Variants in PEX14 observed in about 807,000 individuals in gnomAD.
PEX14 encodes peroxisomal membrane protein PEX14.
Under a neutral mutation model 49.5 loss-of-function variants are expected in PEX14, and 15 were observed. That is an observed-to-expected ratio of 0.30 (90% CI 0.20 to 0.47). The LOEUF (loss-of-function observed/expected upper bound fraction) is 0.47. PEX14 is among the 20% of genes least tolerant of loss of function. The pLI is 1.00. For synonymous variants in PEX14, 210 were observed against 212.7 expected, an observed-to-expected ratio of 0.99 and a Z score of 0.11; for missense variants, 398 against 494.8, an observed-to-expected ratio of 0.80 and a Z score of 1.86.
intron 3 of PEX14, among the ~76,000 whole-genome samples, chr1:10,586,889 C>T (rs1456635186): frequency 6.6e-6 from 1 of 152,010 alleles, no homozygotes; most frequent in East Asian, 1.9e-4. Context: ...GATCCACCGC[C>T]TCGGCCTCCC....
intron 2 of PEX14, among the ~76,000 whole-genome samples, chr1:10,519,949 T>C (rs2124451822): frequency 6.6e-6 from 1 of 152,064 alleles, no homozygotes; most frequent in East Asian, 1.9e-4. Context: ...TCATTTGAAA[T>C]TTTTGTTGTT....
intron 3 of PEX14, among the ~76,000 whole-genome samples, chr1:10,572,464 G>A (rs114848945): frequency 0.034 from 5,253 of 152,292 alleles, 315 homozygotes; most frequent in African/African-American, 0.12. Context: ...AAAACTGAAA[G>A]AAGGCAAAGG....
chr1:10,608,740 A>AAT (rs750295712), intron 4 of PEX14, among the ~76,000 whole-genome samples: 8 of 149,782 alleles, frequency 5.3e-5, no homozygotes, highest in African/African-American at 1.7e-4. Context: ...TTAAAAAAAA[A>AAT]TAAAAAAAAA....
chr1:10,597,034 A>G lies in PEX14; in HGVS notation c.170-2204A>G, dbSNP rs1640850146. Among the ~76,000 whole-genome samples, 1 of 152,264 alleles carries G rather than the reference A, an allele frequency of 6.6e-6. No individual in the cohort carries two copies. The highest frequency in any genetic ancestry group is 1.5e-5 in the Non-Finnish European group (1 of 68,042). On this transcript the variant is annotated intron_variant, in intron 3 of 8. Coordinates refer to ENST00000356607, the MANE Select transcript of PEX14 (RefSeq NM_004565.3). This position sits in a 1 kb window ranked among gnomAD's most constrained non-coding sequence, Gnocchi z 5.7. The stretch of plus-strand genomic sequence containing the variant: ...AGGGCCAGAGGGCAGAACTGCGGGC[A>G]GGGCGTCCTGTCCCTTTAACCAGCT...
At chr1:10,485,914 C>T (rs546186976) in intron 1 of PEX14, among the ~76,000 whole-genome samples, 1 of 148,998 alleles carries the variant, frequency 6.7e-6, no homozygotes, top group South Asian at 2.1e-4. Flanking sequence ...CGCCACCACG[C>T]CTGGCTAATT....
intron 2 of PEX14, among the ~76,000 whole-genome samples, chr1:10,520,978 CTTT>C (rs34115584): frequency 7.1e-6 from 1 of 140,980 alleles, no homozygotes; most frequent in African/African-American, 2.6e-5. Context: ...TTGCCGTTGT[CTTT>C]TTTTTTTTTT....
intron 3 of PEX14, among the ~76,000 whole-genome samples, chr1:10,540,415 A>G (rs1638967908): frequency 6.6e-6 from 1 of 152,142 alleles, no homozygotes; most frequent in African/African-American, 2.4e-5. Context: ...CATTGATTTC[A>G]TAACAGTCTT....
At chr1:10,563,099 G>T (rs76223825) in intron 3 of PEX14, among the ~76,000 whole-genome samples, 1 of 123,666 alleles carries the variant, frequency 8.1e-6, no homozygotes. Context: ...TTTTTTTTTG[G>T]TAGAGGCGGG....
At position 10,514,358 on chromosome 1, in the gene PEX14, C is replaced by T. The variant is rs947267222; in HGVS notation, c.84+19037C>T. Among the ~76,000 whole-genome samples the T allele has an allele frequency of 6.6e-6, 1 of 152,188 alleles. No homozygotes were observed. The highest frequency in any genetic ancestry group is 2.4e-5 in the African/African-American group (1 of 41,432). On this transcript the variant is annotated intron_variant, in intron 2 of 8. Coordinates refer to ENST00000356607, the MANE Select transcript of PEX14 (RefSeq NM_004565.3). The surrounding 1 kb of genome is among the most constrained non-coding windows in gnomAD (Gnocchi z 4.4). ...AGCGCCTGTGTACGCACGTGGTCGT[C>T]ACCCGCCAGAAAGATGCCATAGTGA... is the stretch of plus-strand genomic sequence containing the variant.
At chr1:10,584,435 G>A (rs1344946933) in intron 3 of PEX14, among the ~76,000 whole-genome samples, 2 of 152,202 alleles carry the variant, frequency 1.3e-5, no homozygotes, top group East Asian at 3.9e-4. Context: ...ATTATTCTGT[G>A]GTTATATACA....
chr1:10,629,878 G>A lies in PEX14; in HGVS notation c.1025G>A (p.Cys342Tyr), dbSNP rs774432688. 1 of 1,612,802 alleles carries A rather than the reference G, an allele frequency of 6.2e-7. No homozygotes were observed. Among genetic ancestry groups the A allele is most frequent in the Non-Finnish European group, 8.5e-7 (1 of 1,179,338 alleles). ...GTGAGCCATGTGGACGAGGAGGACT[G>A]CCTGGGGGTGCAGAGGGAGGACCGC... Reference protein sequence around the residue: ...DDVSHVDEEDCLGVQREDRRG... With the variant: ...DDVSHVDEEDYLGVQREDRRG... Residue 342 changes from cysteine (C) to tyrosine (Y), a missense_variant, in exon 9 of 9, where the codon TGC becomes TAC. Cys to Tyr is a radical substitution (Grantham distance 194, BLOSUM62 -2). Coordinates refer to ENST00000356607, the MANE Select transcript of PEX14 (RefSeq NM_004565.3). This position sits in a 1 kb window ranked among gnomAD's most constrained non-coding sequence, Gnocchi z 8.5.
intron 4 of PEX14, among the ~76,000 whole-genome samples, chr1:10,616,660 G>T (rs1480219421): frequency 6.6e-6 from 1 of 152,208 alleles, no homozygotes; most frequent in Non-Finnish European, 1.5e-5. Flanking sequence ...CTCCAGAAAG[G>T]TGTTCGCAGT....
intron 2 of PEX14, among the ~76,000 whole-genome samples, chr1:10,500,373 CAAAAAA>C (rs750781683): frequency 4.6e-5 from 2 of 43,682 alleles, no homozygotes; most frequent in South Asian, 1.5e-3. Flanking sequence ...GATTCTGTCT[CAAAAAA>C]AAAAAAAAAA....
chr1:10,534,380 C>T (rs1204485546), intron 2 of PEX14, among the ~76,000 whole-genome samples: 1 of 151,972 alleles, frequency 6.6e-6, no homozygotes, highest in African/African-American at 2.4e-5. Context: ...CATTTCTCCT[C>T]TCTCCTTTTC....
At chr1:10,546,826 G>A (rs1326953257) in intron 3 of PEX14, among the ~76,000 whole-genome samples, 5 of 151,758 alleles carry the variant, frequency 3.3e-5, no homozygotes, top group South Asian at 4.2e-4. Context: ...CCGAGATTGC[G>A]CCACTGCACT....
intron 2 of PEX14, among the ~76,000 whole-genome samples, chr1:10,525,871 G>A (rs569643808): frequency 5.0e-4 from 76 of 151,834 alleles, no homozygotes; most frequent in Admixed American, 1.1e-3. Flanking sequence ...TGATCCGCCC[G>A]CCTTGGCCCC....
At chr1:10,518,900 G>A (rs1033006886) in intron 2 of PEX14, among the ~76,000 whole-genome samples, 6 of 152,108 alleles carry the variant, frequency 3.9e-5, no homozygotes, top group Non-Finnish European at 1.5e-5. Context: ...GGGAGAGATG[G>A]TGTGAAGGTC....
At chr1:10,518,882 C>T (rs905422377) in intron 2 of PEX14, among the ~76,000 whole-genome samples, 16 of 151,984 alleles carry the variant, frequency 1.1e-4, no homozygotes, top group African/African-American at 3.4e-4. Context: ...TTGTTAGTGC[C>T]GGTGAAGGGG....
Position 10,629,848 on chromosome 1 carries a change from A to T in PEX14, c.995A>T (p.Asp332Val). The T allele has an allele frequency of 6.2e-7, 1 of 1,609,220 alleles. No individual in the cohort carries two copies. Among genetic ancestry groups the T allele is most frequent in the Non-Finnish European group, 8.5e-7 (1 of 1,176,314 alleles). Residue 332 changes from aspartate (D) to valine (V), a missense_variant, in exon 9 of 9, where the codon GAT (aspartate) becomes GTT (valine). Coordinates refer to ENST00000356607, the MANE Select transcript of PEX14 (RefSeq NM_004565.3). The surrounding 1 kb of genome is among the most constrained non-coding windows in gnomAD (Gnocchi z 8.5). Reference protein sequence around the residue: ...DKEDEEDEEDDDVSHVDEEDC... With the variant: ...DKEDEEDEEDVDVSHVDEEDC... ...GAGGACGAGGAGGATGAGGAGGATG[A>T]TGATGTGAGCCATGTGGACGAGGAG...
Sources: gnomAD v4.1 joint callset for allele counts (sites outside exome capture counted in the v4.1 genomes callset) on GRCh38, gnomAD v4.1.1 for gene constraint, Gnocchi (gnomAD v3.1) non-coding constraint, MANE v1.5 for transcripts, NCBI Gene and HGNC (gene_info 2026-07-23, HGNC 2026-07-21) for gene names.